The following ACER2 variants were observed in gnomAD, a reference collection of about 807,000 sequenced individuals.
ACER2 encodes alkaline ceramidase 2, also known as alkCDase 2.
In ACER2, 26 loss-of-function variants were observed where a neutral mutation model predicts 34.7. That is an observed-to-expected ratio of 0.75 (90% CI 0.55 to 1.04). The LOEUF (loss-of-function observed/expected upper bound fraction) is 1.04. ACER2 is among the 50% of genes least tolerant of loss of function. ACER2 has a pLI of 0.00. For synonymous variants in ACER2, 138 were observed against 132.1 expected, an observed-to-expected ratio of 1.04 and a Z score of -0.31; for missense variants, 352 against 340.8, an observed-to-expected ratio of 1.03 and a Z score of -0.26.
intron 5 of ACER2, 157 bp from the exon 6 acceptor site, chr9:19,450,293 G>A (rs1831519687): frequency 1.0e-6 from 1 of 985,328 alleles, no homozygotes; most frequent in Admixed American, 6.1e-5. Flanking sequence ...TCCAGGGATT[G>A]TTGGTAATCT....
intron 1 of ACER2, among the ~76,000 whole-genome samples, chr9:19,421,980 A>G (rs1830420112): frequency 6.6e-6 from 1 of 152,132 alleles, no homozygotes; most frequent in Admixed American, 6.5e-5. Context: ...AGGCTTTGGT[A>G]TGAACAAAAT....
At chr9:19,410,254 G>C (rs1792260499) in intron 1 of ACER2, among the ~76,000 whole-genome samples, 2 of 152,192 alleles carry the variant, frequency 1.3e-5, no homozygotes, top group South Asian at 4.1e-4. Context: ...CATCTGATGA[G>C]AAAACTGGGC....
rs999099549 is a variant in ACER2 at position 19,450,371 on chromosome 9, C to T, written c.642-79C>T. On this transcript the variant is annotated intron_variant, in intron 5 of 5. Transcript: ENST00000340967. ...AGTCAGCAAGGTGCGTGGGTTAGAC[C>T]GGAAGAAGGAGCAGGCTAAACTCAG... 237 of 1,442,296 alleles carry T rather than the reference C, an allele frequency of 1.6e-4. 1 individual carries two copies. The highest frequency in any genetic ancestry group is 6.2e-4 in the South Asian group (37 of 60,130). The allele number at this position is 1,442,296 out of a possible 1,614,324, so 89.3% of individuals were successfully genotyped here.
chr9:19,414,186 G>A (rs1195553537), intron 1 of ACER2, among the ~76,000 whole-genome samples: 1 of 152,170 alleles, frequency 6.6e-6, no homozygotes. Context: ...TCAGTCCCAA[G>A]CAAACCACGA....
chr9:19,431,548 G>C (rs964242392), intron 3 of ACER2, among the ~76,000 whole-genome samples: 1 of 152,246 alleles, frequency 6.6e-6, no homozygotes, highest in African/African-American at 2.4e-5. Flanking sequence ...CCCAGTGGAA[G>C]AGTTATTGTG....
At chr9:19,450,383 C>A in intron 5 of ACER2, 67 bp from the exon 6 acceptor site, 1 of 1,451,362 alleles carries the variant, frequency 6.9e-7, no homozygotes, top group Non-Finnish European at 9.2e-7. Flanking sequence ...GAAGAAGGAG[C>A]AGGCTAAACT....
chr9:19,446,404 C>A lies in ACER2; in HGVS notation c.627C>A (p.Tyr209Ter). ...TGCTGTCATCCTTCAACTTCCCCTA[C>A]CTGCACTGCATGTGGTAAGCCCCTG... ...CELLSSFNFPYLHCMWHILIC... is the reference protein window; with the variant it reads ...CELLSSFNFP Residue 209 changes from tyrosine to a stop codon, truncating the protein, a stop_gained, in exon 5 of 6, where the codon TAC (tyrosine) becomes TAA (stop). Coordinates refer to ENST00000340967, the MANE Select transcript of ACER2 (RefSeq NM_001010887.3). LOFTEE classifies it high-confidence loss of function. 1 of 1,614,184 alleles carries A rather than the reference C, an allele frequency of 6.2e-7. No individual in the cohort carries two copies. The highest frequency in any genetic ancestry group is 8.5e-7 in the Non-Finnish European group (1 of 1,180,030).
At chr9:19,427,822 A>C (rs1001441398) in intron 3 of ACER2, among the ~76,000 whole-genome samples, 1 of 151,666 alleles carries the variant, frequency 6.6e-6, no homozygotes, top group African/African-American at 2.4e-5. Context: ...GCCCGCCACC[A>C]CGCCTGGCTA....
chr9:19,411,663 C>T (rs1170540700), intron 1 of ACER2, among the ~76,000 whole-genome samples: 1 of 152,192 alleles, frequency 6.6e-6, no homozygotes, highest in Non-Finnish European at 1.5e-5. Flanking sequence ...CGTCTTAAAT[C>T]CTCATAATAA....
intron 3 of ACER2, among the ~76,000 whole-genome samples, chr9:19,434,149 A>G (rs1314670780): frequency 7.0e-6 from 1 of 142,058 alleles, no homozygotes. Flanking sequence ...GGCGGGGCAG[A>G]GGCGCTCCCC....
chr9:19,434,744 G>A (rs1292810264), intron 3 of ACER2, among the ~76,000 whole-genome samples: 1 of 150,962 alleles, frequency 6.6e-6, no homozygotes, highest in African/African-American at 2.5e-5. Flanking sequence ...CTTCGGCTCG[G>A]CATGAGAGGG....
chr9:19,415,694 T>C (rs928446951), intron 1 of ACER2, among the ~76,000 whole-genome samples: 2 of 152,100 alleles, frequency 1.3e-5, no homozygotes, highest in Non-Finnish European at 2.9e-5. Context: ...GCGGGACAGC[T>C]TGGGAGTAGA....
intron 3 of ACER2, among the ~76,000 whole-genome samples, chr9:19,433,978 G>T (rs1036415156): frequency 1.1e-4 from 16 of 152,008 alleles, no homozygotes; most frequent in African/African-American, 3.6e-4. Context: ...CTCCCGGACG[G>T]GGTGGCTGCC....
At chr9:19,441,088 C>A (rs1278550524) in intron 4 of ACER2, among the ~76,000 whole-genome samples, 1 of 149,942 alleles carries the variant, frequency 6.7e-6, no homozygotes, top group East Asian at 1.9e-4. Context: ...TACTGTGTCA[C>A]CCAGGCTGGA....
intron 3 of ACER2, among the ~76,000 whole-genome samples, chr9:19,426,530 C>G (rs1830578573): frequency 6.6e-6 from 1 of 151,910 alleles, no homozygotes; most frequent in Non-Finnish European, 1.5e-5. Flanking sequence ...TCTCAGATAT[C>G]TTATTTTTCA....
chr9:19,446,846 GGGCCGCACT>G (rs1450535094), intron 5 of ACER2, among the ~76,000 whole-genome samples: 2 of 152,068 alleles, frequency 1.3e-5, no homozygotes, highest in East Asian at 3.9e-4. Context: ...GTGCAAGGAG[GGGCCGCACT>G]GGCCATTTAG....
chr9:19,438,321 A>T (rs141998048), intron 4 of ACER2, among the ~76,000 whole-genome samples: 31 of 152,186 alleles, frequency 2.0e-4, no homozygotes, highest in Non-Finnish European at 3.2e-4. Context: ...CCTTGCCACT[A>T]TGTTTCAGCA....
intron 5 of ACER2, among the ~76,000 whole-genome samples, chr9:19,448,724 TTTA>T (rs1279370931): frequency 6.6e-6 from 1 of 152,256 alleles, no homozygotes; most frequent in Non-Finnish European, 1.5e-5. Flanking sequence ...ATATTTTGTT[TTTA>T]TTATTATGTC....
At chr9:19,441,132 C>T (rs930173787) in intron 4 of ACER2, among the ~76,000 whole-genome samples, 1 of 151,556 alleles carries the variant, frequency 6.6e-6, no homozygotes, top group East Asian at 1.9e-4. Context: ...TCACTGCAAC[C>T]TCCGCCTCCC....
Sources: allele counts gnomAD v4.1 joint callset (sites outside exome capture counted in the v4.1 genomes callset), GRCh38; gene constraint gnomAD v4.1.1; transcripts MANE v1.5; gene names NCBI Gene and HGNC (gene_info 2026-07-23, HGNC 2026-07-21).